The following LEKR1 variants were observed in gnomAD, a reference collection of about 807,000 sequenced individuals.
The protein encoded by LEKR1 is protein LEKR1.
Under a neutral mutation model 72.4 loss-of-function variants are expected in LEKR1, and 59 were observed. The ratio of observed to expected loss-of-function variants is 0.82; its 90% CI spans 0.66 to 1.01. The LOEUF is 1.01. Ranked by LOEUF, LEKR1 falls within the 50% of genes least tolerant of loss-of-function variation. LEKR1 has a pLI of 0.00. For missense variants in LEKR1, 728 were observed against 759.2 expected (o/e 0.96, Z 0.48); for synonymous variants, 257 against 263.2 (o/e 0.98, Z 0.23).
At chr3:156,887,332 A>G (rs1294056390) in intron 3 of LEKR1, among the ~76,000 whole-genome samples, 1 of 151,896 alleles carries the variant, frequency 6.6e-6, no homozygotes, top group African/African-American at 2.4e-5. Context: ...TGCACAGTGC[A>G]GGTGTGGAGT....
chr3:156,988,705 GC>G, intron 7 of LEKR1: 1 of 228,666 alleles, frequency 4.4e-6, no homozygotes, highest in South Asian at 1.0e-4. Context: ...TTTGTCTCTG[GC>G]CTCCATTTCT....
At chr3:156,969,378 G>A (rs1161169654) in intron 6 of LEKR1, among the ~76,000 whole-genome samples, 1 of 152,048 alleles carries the variant, frequency 6.6e-6, no homozygotes, top group African/African-American at 2.4e-5. Context: ...CCCCTAGCAA[G>A]ACTAATAAAG....
intron 3 of LEKR1, among the ~76,000 whole-genome samples, chr3:156,885,939 A>C (rs1202569681): frequency 6.6e-6 from 1 of 152,184 alleles, no homozygotes; most frequent in Non-Finnish European, 1.5e-5. Flanking sequence ...CTGTGGTAGT[A>C]GTAGGGGGCT....
At chr3:156,905,096 G>A (rs888338064) in intron 3 of LEKR1, among the ~76,000 whole-genome samples, 1 of 152,012 alleles carries the variant, frequency 6.6e-6, no homozygotes, top group African/African-American at 2.4e-5. Flanking sequence ...ATAGAGGGGT[G>A]AGGGAATAAA....
At chr3:156,916,988 T>C (rs376159231) in intron 3 of LEKR1, among the ~76,000 whole-genome samples, 7 of 151,350 alleles carry the variant, frequency 4.6e-5, no homozygotes, top group African/African-American at 1.2e-4. Context: ...AAAGAAAGAG[T>C]CTCAAAGAGA....
intron 9 of LEKR1, among the ~76,000 whole-genome samples, chr3:157,001,044 A>G (rs1388452945): frequency 1.3e-5 from 2 of 152,144 alleles, no homozygotes; most frequent in East Asian, 1.9e-4. Context: ...ATGATTTGCC[A>G]TAAGTTTCCT....
chr3:156,859,617 A>C (rs1716519898), intron 3 of LEKR1, among the ~76,000 whole-genome samples: 1 of 152,194 alleles, frequency 6.6e-6, no homozygotes, highest in Non-Finnish European at 1.5e-5. Context: ...TATAGTTTAC[A>C]TTACGTTTTA....
chr3:156,911,677 G>A (rs1390778704), intron 3 of LEKR1, among the ~76,000 whole-genome samples: 1 of 152,034 alleles, frequency 6.6e-6, no homozygotes, highest in Non-Finnish European at 1.5e-5. Flanking sequence ...GTTAATTTTT[G>A]TATATGGTGA....
At chr3:157,027,099 T>G (rs1050634608) in intron 11 of LEKR1, among the ~76,000 whole-genome samples, 2 of 152,306 alleles carry the variant, frequency 1.3e-5, no homozygotes. Flanking sequence ...ATTAGTCATA[T>G]TTCAGGTGCT....
At chr3:157,004,281 A>G (rs1267097844) in intron 9 of LEKR1, among the ~76,000 whole-genome samples, 2 of 152,182 alleles carry the variant, frequency 1.3e-5, no homozygotes, top group Non-Finnish European at 2.9e-5. Context: ...AGGACATAAC[A>G]CTTCTAAATA....
At chr3:156,952,222 G>A (rs919056814) in intron 6 of LEKR1, among the ~76,000 whole-genome samples, 15 of 151,406 alleles carry the variant, frequency 9.9e-5, no homozygotes, top group African/African-American at 3.6e-4. Flanking sequence ...TGATGGGATG[G>A]CCCCAGGAGT....
intron 2 of LEKR1, among the ~76,000 whole-genome samples, chr3:156,849,356 C>T (rs1715041387): frequency 1.3e-5 from 2 of 152,196 alleles, no homozygotes; most frequent in South Asian, 2.1e-4. Context: ...AGATTCAATG[C>T]CATCCCCATC....
intron 7 of LEKR1, among the ~76,000 whole-genome samples, chr3:156,991,310 C>G (rs1363962270): frequency 1.3e-5 from 2 of 151,720 alleles, no homozygotes; most frequent in Non-Finnish European, 2.9e-5. Flanking sequence ...TATAATAATT[C>G]ATTATATTAT....
At chr3:156,851,752 A>G (rs921374133) in intron 2 of LEKR1, among the ~76,000 whole-genome samples, 1 of 152,144 alleles carries the variant, frequency 6.6e-6, no homozygotes, top group Non-Finnish European at 1.5e-5. Flanking sequence ...TATTAGTTAC[A>G]GCAACAGTTT....
At chr3:156,974,474 C>CAA (rs1268947278) in intron 6 of LEKR1, among the ~76,000 whole-genome samples, 1 of 152,156 alleles carries the variant, frequency 6.6e-6, no homozygotes, top group Non-Finnish European at 1.5e-5. Flanking sequence ...ACTGACAACG[C>CAA]TCCTTGTTAC....
At chr3:157,003,662 C>T (rs1205025537) in intron 9 of LEKR1, among the ~76,000 whole-genome samples, 1 of 152,140 alleles carries the variant, frequency 6.6e-6, no homozygotes, top group Non-Finnish European at 1.5e-5. Context: ...AATCTCCTCA[C>T]CTCAAGATCC....
chr3:157,032,218 G>A (rs1734666623), intron 12 of LEKR1, among the ~76,000 whole-genome samples: 1 of 152,080 alleles, frequency 6.6e-6, no homozygotes, highest in Non-Finnish European at 1.5e-5. Flanking sequence ...AAGACAGTGT[G>A]ACCCCCTATT....
chr3:157,024,952 T>G, intron 11 of LEKR1, 28 bp downstream of exon 11: 1 of 1,474,102 alleles, frequency 6.8e-7, no homozygotes, highest in Non-Finnish European at 9.3e-7. Flanking sequence ...TCATCATTAT[T>G]TAATAGATTT....
intron 5 of LEKR1, among the ~76,000 whole-genome samples, chr3:156,931,238 AC>A (rs1467885221): frequency 6.6e-6 from 1 of 152,176 alleles, no homozygotes; most frequent in African/African-American, 2.4e-5. Flanking sequence ...AAAGATCTGA[AC>A]AGACACTTTT....
Sources: gnomAD v4.1 joint callset for allele counts (sites outside exome capture counted in the v4.1 genomes callset) on GRCh38, gnomAD v4.1.1 for gene constraint, MANE v1.5 for transcripts, NCBI Gene and HGNC (gene_info 2026-07-23, HGNC 2026-07-21) for gene names.